SNX18: variants seen among roughly 807,000 people sequenced by gnomAD.
SNX18 encodes the protein sorting nexin-18.
A neutral mutation model predicts 48.7 loss-of-function variants in SNX18; 35 were observed. That is an observed-to-expected ratio of 0.72 (90% CI 0.55 to 0.95). The LOEUF is 0.95. Ranked by LOEUF, SNX18 falls within the 40% of genes least tolerant of loss-of-function variation. SNX18 has a pLI of 0.00. For synonymous variants in SNX18, 492 were observed against 384.7 expected (o/e 1.28, Z -3.26); for missense variants, 824 against 871.0 (o/e 0.95, Z 0.68).
intron 1 of SNX18, among the ~76,000 whole-genome samples, chr5:54,528,794 T>G (rs1580099330): frequency 6.6e-6 from 1 of 152,076 alleles, no homozygotes; most frequent in South Asian, 2.1e-4. Flanking sequence ...TGAAAACAAG[T>G]GGAAGTTTGC....
At chr5:54,559,638 T>C in the SNX18 span, among the ~76,000 whole-genome samples, 23,915 of 152,106 alleles carry the variant, frequency 0.16, 2,407 homozygotes, top group African/African-American at 0.28. Context: ...GGCAATACCA[T>C]TCTGGACACA....
At chr5:54,571,063 C>T in the SNX18 span, among the ~76,000 whole-genome samples, 1 of 152,138 alleles carries the variant, frequency 6.6e-6, no homozygotes, top group East Asian at 1.9e-4. Flanking sequence ...CCTTATAGGC[C>T]TTGCACCCCT....
At chr5:54,524,279 C>T (rs1384782085) in intron 1 of SNX18, among the ~76,000 whole-genome samples, 3 of 152,122 alleles carry the variant, frequency 2.0e-5, no homozygotes, top group Admixed American at 6.6e-5. Flanking sequence ...GTGTGGGCAC[C>T]GCTCATACCA....
chr5:54,538,119 A>G (rs1362452204), intron 1 of SNX18, among the ~76,000 whole-genome samples: 1 of 152,246 alleles, frequency 6.6e-6, no homozygotes, highest in Non-Finnish European at 1.5e-5. Context: ...AAGCCTGAAA[A>G]TATGTACACA....
chr5:54,587,526 A>G, the SNX18 span, among the ~76,000 whole-genome samples: 1 of 152,156 alleles, frequency 6.6e-6, no homozygotes, highest in Non-Finnish European at 1.5e-5. Context: ...AACTTCCAAA[A>G]GCAAAAAACT....
downstream of SNX18, among the ~76,000 whole-genome samples, chr5:54,547,507 A>T (rs1762594577): frequency 6.6e-6 from 1 of 152,330 alleles, no homozygotes; most frequent in East Asian, 1.9e-4. Context: ...TCCTGGAATG[A>T]TAGAGATTCC....
the SNX18 span, among the ~76,000 whole-genome samples, chr5:54,565,226 C>T: frequency 0.17 from 25,304 of 152,192 alleles, 2,460 homozygotes; most frequent in Middle Eastern, 0.27. Context: ...GGAATTAGGA[C>T]GTGGGAGCCC....
At chr5:54,595,106 T>A in the SNX18 span, among the ~76,000 whole-genome samples, 1 of 152,266 alleles carries the variant, frequency 6.6e-6, no homozygotes, top group Non-Finnish European at 1.5e-5. Context: ...ATGTCTTTGC[T>A]ATTATGAATA....
the SNX18 span, among the ~76,000 whole-genome samples, chr5:54,587,623 C>T: frequency 0.025 from 3,785 of 152,260 alleles, 144 homozygotes; most frequent in African/African-American, 0.086. Flanking sequence ...GTGTTCCAAT[C>T]CCTTCTACTG....
chr5:54,536,476 A>G (rs1762358301), intron 1 of SNX18, among the ~76,000 whole-genome samples: 1 of 148,806 alleles, frequency 6.7e-6, no homozygotes, highest in Admixed American at 6.9e-5. Flanking sequence ...GAGAACACGC[A>G]GTGTTTGGTT....
At chr5:54,571,103 T>G in the SNX18 span, among the ~76,000 whole-genome samples, 1 of 151,826 alleles carries the variant, frequency 6.6e-6, no homozygotes, top group African/African-American at 2.4e-5. Flanking sequence ...CTTTATGATT[T>G]CTGGATTGGA....
chr5:54,538,550 G>T lies in SNX18; in HGVS notation c.1622-4629G>T, dbSNP rs542545109. 7.2e-5 allele frequency among the ~76,000 whole-genome samples: 11 copies of T among 152,278 alleles called. No individual in the cohort carries two copies. In the South Asian group the frequency reaches 2.3e-3, roughly 32 times the overall value. On this transcript the variant is annotated intron_variant, in intron 1 of 1. Transcript: ENST00000381410. ...ATACCTTTACTGTTTGTTAAAAGGT[G>T]TACAGAAAAAACTAATTGGAAAGTT...
the SNX18 span, among the ~76,000 whole-genome samples, chr5:54,585,013 C>T: frequency 6.6e-6 from 1 of 152,130 alleles, no homozygotes; most frequent in Non-Finnish European, 1.5e-5. Flanking sequence ...GATCACAGGC[C>T]AGGCATGATG....
Position 54,545,786 on chromosome 5 carries a change from G to A in SNX18, c.*2354G>A, listed in dbSNP as rs1467195211. The A allele has an allele frequency of 6.6e-6, 1 of 152,162 alleles. No homozygotes were observed. The highest frequency in any genetic ancestry group is 1.5e-5 in the Non-Finnish European group (1 of 68,018). The allele number at this position is 152,162 out of a possible 1,614,324, so 9.4% of individuals were successfully genotyped here. On this transcript the variant is annotated 3_prime_UTR_variant, in exon 2 of 2. Coordinates refer to ENST00000381410, the MANE Select transcript of SNX18 (RefSeq NM_001102575.2). The stretch of plus-strand genomic sequence containing the variant: ...AAAACTACTGCAATGTTAAACCCAA[G>A]AGAAAAGCCATTATCATGTGTATGC...
chr5:54,521,821 G>T (rs1388130629), intron 1 of SNX18, among the ~76,000 whole-genome samples: 1 of 152,170 alleles, frequency 6.6e-6, no homozygotes, highest in Non-Finnish European at 1.5e-5. Context: ...TTCCAGCTCA[G>T]CCTCCCGAAG....
the SNX18 span, among the ~76,000 whole-genome samples, chr5:54,603,480 G>A: frequency 2.0e-5 from 3 of 152,022 alleles, no homozygotes; most frequent in Non-Finnish European, 4.4e-5. Flanking sequence ...TATTTTATCT[G>A]AACCCAAGAC....
At chr5:54,605,395 A>T in the SNX18 span, among the ~76,000 whole-genome samples, 1 of 152,070 alleles carries the variant, frequency 6.6e-6, no homozygotes, top group Non-Finnish European at 1.5e-5. Flanking sequence ...TAATTTGAAG[A>T]TCTTAGAAAA....
At chr5:54,562,878 A>G in the SNX18 span, among the ~76,000 whole-genome samples, 1 of 152,228 alleles carries the variant, frequency 6.6e-6, no homozygotes, top group African/African-American at 2.4e-5. Context: ...AGGACCTTCC[A>G]GTGGGGCAAG....
the SNX18 span, among the ~76,000 whole-genome samples, chr5:54,634,401 G>C: frequency 6.6e-6 from 1 of 152,184 alleles, no homozygotes; most frequent in Non-Finnish European, 1.5e-5. Context: ...ATTCTCAGTG[G>C]ATAGGAGCCA....
Sources: allele counts gnomAD v4.1 joint callset (sites outside exome capture counted in the v4.1 genomes callset), GRCh38; gene constraint gnomAD v4.1.1; transcripts MANE v1.5; gene names NCBI Gene and HGNC (gene_info 2026-07-23, HGNC 2026-07-21).